PCYT1B: variants seen among roughly 807,000 people sequenced by gnomAD.
PCYT1B encodes choline-phosphate cytidylyltransferase B.
In PCYT1B, 10 loss-of-function variants were observed where a neutral mutation model predicts 26.4. The observed-to-expected ratio is 0.38, with a 90% CI of 0.23 to 0.64. PCYT1B has a LOEUF of 0.64. Among genes scored for constraint, PCYT1B ranks in the 30% least tolerant of loss-of-function variants. The pLI, the probability that PCYT1B is intolerant of heterozygous loss-of-function variation, is 0.56. For synonymous variants in PCYT1B, 131 were observed against 108.4 expected (o/e 1.21, Z -1.29); for missense variants, 161 against 292.7 (o/e 0.55, Z 3.28).
intron 1 of PCYT1B, among the ~76,000 whole-genome samples, chrX:24,640,506 G>A (rs1264412281): frequency 8.9e-6 from 1 of 111,787 alleles, no homozygotes; most frequent in Non-Finnish European, 1.9e-5. Flanking sequence ...TGTAGAGACA[G>A]ATGAATAGAA....
intron 1 of PCYT1B, among the ~76,000 whole-genome samples, chrX:24,665,124 C>T (rs1030639693): frequency 1.4e-4 from 16 of 111,250 alleles, no homozygotes; most frequent in African/African-American, 5.2e-4. Context: ...AAATAATAGG[C>T]AATGCATATG....
intron 6 of PCYT1B, among the ~76,000 whole-genome samples, chrX:24,576,552 G>A (rs575789790): frequency 1.8e-5 from 2 of 111,370 alleles, no homozygotes; most frequent in South Asian, 3.8e-4. Context: ...TGATCCACTC[G>A]CCTCGGCCTT....
chrX:24,603,162 A>T (rs148772503), intron 3 of PCYT1B, among the ~76,000 whole-genome samples: 109 of 112,654 alleles, frequency 9.7e-4, no homozygotes, highest in Non-Finnish European at 1.6e-3. Context: ...CAGATTTTTC[A>T]AAATTCTTTT....
rs188206658 is a variant in PCYT1B at position 24,571,254 on chromosome X, C to A, written c.897+3876G>T. Among the ~76,000 whole-genome samples, 73 of 111,173 alleles carry A rather than the reference C, an allele frequency of 6.6e-4. 1 individual carries two copies. Among genetic ancestry groups the A allele is most frequent in the Admixed American group, 6.7e-4 (7 of 10,458 alleles). ...TAGCACATGCCTGTAGTCCTAGCTA[C>A]TCGGGAGGCTGAGGCAGGAGAATCA... On this transcript the variant is annotated intron_variant, in intron 7 of 7. Coordinates refer to ENST00000379144, the MANE Select transcript of PCYT1B (RefSeq NM_004845.5).
intron 4 of PCYT1B, among the ~76,000 whole-genome samples, chrX:24,589,758 G>C (rs1924493735): frequency 9.0e-6 from 1 of 111,456 alleles, no homozygotes; most frequent in Non-Finnish European, 1.9e-5. Context: ...TAGATATCTT[G>C]TTCAAGGTCC....
intron 1 of PCYT1B, chrX:24,621,929 T>C: frequency 2.7e-6 from 1 of 375,994 alleles, no homozygotes; most frequent in Non-Finnish European, 3.4e-6. Context: ...GCAACAATAG[T>C]TACTCAAAGG....
chrX:24,596,331 C>T (rs1353578823), intron 3 of PCYT1B, among the ~76,000 whole-genome samples: 1 of 111,440 alleles, frequency 9.0e-6, no homozygotes, highest in Non-Finnish European at 1.9e-5. Context: ...GTGGCTCATG[C>T]CTGTAATCCC....
chrX:24,606,316 T>C (rs1303391404), intron 3 of PCYT1B, among the ~76,000 whole-genome samples: 6 of 111,371 alleles, frequency 5.4e-5, no homozygotes, highest in Admixed American at 9.6e-5. Flanking sequence ...GCCCAAACAC[T>C]GCAGAGGTCT....
At chrX:24,617,578 G>T (rs1208312271) in intron 2 of PCYT1B, among the ~76,000 whole-genome samples, 1 of 107,236 alleles carries the variant, frequency 9.3e-6, no homozygotes, top group Non-Finnish European at 1.9e-5. Flanking sequence ...CTCCCGAGTA[G>T]CTGGGATTAC....
intron 5 of PCYT1B, among the ~76,000 whole-genome samples, chrX:24,583,844 A>G (rs1223244279): frequency 8.9e-6 from 1 of 111,980 alleles, no homozygotes; most frequent in Non-Finnish European, 1.9e-5. Flanking sequence ...ACAGCATCTA[A>G]CAACCTGAGA....
At chrX:24,588,336 G>T (rs189621000) in intron 4 of PCYT1B, among the ~76,000 whole-genome samples, 11 of 111,510 alleles carry the variant, frequency 9.9e-5, no homozygotes, top group African/African-American at 3.3e-4. Context: ...GTCACATGGG[G>T]TATCCTCCTT....
At chrX:24,583,291 C>T (rs1324918760) in intron 5 of PCYT1B, among the ~76,000 whole-genome samples, 3 of 111,777 alleles carry the variant, frequency 2.7e-5, no homozygotes, top group Non-Finnish European at 5.6e-5. Flanking sequence ...CCAGTGGCAA[C>T]TGCAACTGAG....
At chrX:24,670,707 C>G (rs773174587) in intron 1 of PCYT1B, among the ~76,000 whole-genome samples, 4 of 111,618 alleles carry the variant, frequency 3.6e-5, no homozygotes, top group Non-Finnish European at 7.5e-5. Flanking sequence ...TGGTCAGGAG[C>G]TTGAGTCCTT....
upstream of PCYT1B, chrX:24,672,731 C>A: frequency 1.6e-6 from 1 of 631,272 alleles, no homozygotes. Context: ...GACCAAAGGT[C>A]AAGCAGGCTC....
intron 1 of PCYT1B, chrX:24,672,520 G>T: frequency 1.0e-6 from 1 of 996,323 alleles, no homozygotes; most frequent in Non-Finnish European, 1.4e-6. Flanking sequence ...TTTTTGAACT[G>T]ACTTTGATAT....
At position 24,562,249 on chromosome X, in the gene PCYT1B, T is replaced by C; in HGVS notation, c.*44A>G. 1 of 1,164,113 alleles carries C rather than the reference T, an allele frequency of 8.6e-7. No homozygotes were observed. The highest frequency in any genetic ancestry group is 1.1e-6 in the Non-Finnish European group (1 of 870,400). On this transcript the variant is annotated 3_prime_UTR_variant, in exon 8 of 8. Coordinates refer to ENST00000379144, the MANE Select transcript of PCYT1B (RefSeq NM_004845.5). The stretch of plus-strand genomic sequence containing the variant: ...CCAGGCAACCCTGTGACTCTCGCCC[T>C]CCTCCCCATCCTGCATGGTGCGGCT...
intron 1 of PCYT1B, among the ~76,000 whole-genome samples, chrX:24,634,431 C>T (rs1362779641): frequency 8.9e-6 from 1 of 112,326 alleles, no homozygotes; most frequent in Non-Finnish European, 1.9e-5. Context: ...AACCAATGCA[C>T]ATAAATCAGC....
chrX:24,607,861 G>T lies in PCYT1B; in HGVS notation c.218C>A (p.Ala73Asp). 9.2e-7 allele frequency: 1 copy of T among 1,092,595 alleles called. No homozygotes were observed. The highest frequency in any genetic ancestry group is 1.3e-6 in the Non-Finnish European group (1 of 795,124). The allele number at this position is 1,092,595 out of a possible 1,213,427, so 90.0% of individuals were successfully genotyped here. A position where few individuals can be genotyped will look rare whatever the true frequency, so the allele number is the denominator to read the frequency against. Residue 73 changes from alanine (A) to aspartate (D), a missense_variant and splice_region_variant, in exon 3 of 8, where the codon GCT becomes GAT. Ala to Asp is a moderately radical substitution (Grantham distance 126). Coordinates refer to ENST00000379144, the MANE Select transcript of PCYT1B (RefSeq NM_004845.5). ...TIAQARLGTP[A>D]DRPVRVYADG... The stretch of plus-strand genomic sequence containing the variant: ...GGCGTATACTCTGACAGGCCTGTCA[G>T]CTGTGGGAGAAAGAAAACACTGTTA...
intron 3 of PCYT1B, among the ~76,000 whole-genome samples, chrX:24,597,349 T>C (rs1049781798): frequency 2.3e-4 from 26 of 111,300 alleles, no homozygotes; most frequent in Non-Finnish European, 4.7e-4. Context: ...GGTCCCGAAC[T>C]CCTCACCTCA....
Sources: allele counts gnomAD v4.1 joint callset (sites outside exome capture counted in the v4.1 genomes callset), GRCh38; gene constraint gnomAD v4.1.1; transcripts MANE v1.5; gene names NCBI Gene and HGNC (gene_info 2026-07-23, HGNC 2026-07-21).